Variants in CLC observed in about 807,000 individuals in gnomAD.
CLC encodes galectin-10.
A neutral mutation model predicts 13.9 loss-of-function variants in CLC; 15 were observed. That is an observed-to-expected ratio of 1.08 (90% confidence interval 0.72 to 1.66). The LOEUF is 1.66. CLC is among the 40% of genes most tolerant of loss of function. The pLI, the probability that CLC is intolerant of heterozygous loss-of-function variation, is 0.00. For missense variants in CLC, 161 were observed against 169.1 expected (o/e 0.95, Z 0.27); for synonymous variants, 68 against 59.9 (o/e 1.14, Z -0.63).
chr19:39,737,154 C>G (rs1324932321), intron 1 of CLC, among the ~76,000 whole-genome samples: 1 of 151,898 alleles, frequency 6.6e-6, no homozygotes, highest in African/African-American at 2.4e-5. Flanking sequence ...CAGGGAGAGA[C>G]CTGAGGCTGG....
chr19:39,734,476 T>G lies in CLC; in HGVS notation c.110A>C (p.Gln37Pro). The G allele has an allele frequency of 6.2e-7, 1 of 1,614,114 alleles. No homozygotes were observed. Reference sequence around the variant, plus strand: ...CTTCATCTCAGTGTGGAAATCCACCTGCAGATATGGTTCATTCCTGAGGGC... The same window carrying G: ...CTTCATCTCAGTGTGGAAATCCACCGGCAGATATGGTTCATTCCTGAGGGC... ...LACFLNEPYL[Q>P]VDFHTEMKEE... The change falls in exon 3 of 4, where the codon CAG becomes CCG. Residue 37 changes from glutamine to proline, a missense_variant. By Grantham distance (76) the Gln-to-Pro change is moderately conservative (BLOSUM62 -1). Transcript: ENST00000221804.
At chr19:39,736,316 C>T (rs383768) in intron 1 of CLC, among the ~76,000 whole-genome samples, 101,088 of 151,590 alleles carry the variant, frequency 0.67, 34,425 homozygotes, top group African/African-American at 0.76. Flanking sequence ...AATGGACGTC[C>T]TTCCCAGAAG....
At chr19:39,734,632 T>G in intron 2 of CLC, 139 bp from the exon 3 acceptor site, 1 of 701,522 alleles carries the variant, frequency 1.4e-6, no homozygotes, top group Non-Finnish European at 2.5e-6. Flanking sequence ...TGGGGCTGCT[T>G]CAGCTCCTTG....
chr19:39,736,966 A>G lies in CLC; in HGVS notation c.15+972T>C, dbSNP rs150068756. On this transcript the variant is annotated intron_variant, in intron 1 of 3. Coordinates refer to ENST00000221804, the MANE Select transcript of CLC (RefSeq NM_001828.6). ...GTCCTGGCCTGACATGGGCCTTTCA[A>G]TTCGGCCACCCAAAGTGCTGAGACT... Among the ~76,000 whole-genome samples, 452 of 152,194 alleles carry G rather than the reference A, an allele frequency of 3.0e-3. 5 individuals carry two copies. The highest frequency in any genetic ancestry group is 0.01 in the African/African-American group (434 of 41,538).
At chr19:39,731,657 TA>T (rs1280022123) in intron 3 of CLC, 152 bp from the exon 4 acceptor site, 1 of 708,276 alleles carries the variant, frequency 1.4e-6, no homozygotes. Context: ...TTTTACAGAC[TA>T]CCTGTTGTAA....
chr19:39,737,570 C>T (rs1346153020), intron 1 of CLC, among the ~76,000 whole-genome samples: 1 of 152,054 alleles, frequency 6.6e-6, no homozygotes, highest in Non-Finnish European at 1.5e-5. Context: ...GCTGTGCTCA[C>T]ACACACACTC....
Position 39,731,324 on chromosome 19 carries a change from C to T in CLC, c.*56G>A, listed in dbSNP as rs930137967. 3.8e-6 allele frequency: 6 copies of T among 1,583,410 alleles called. No homozygotes were observed. The South Asian group carries it at 6.7e-5, about 18-fold the overall frequency. On this transcript the variant is annotated 3_prime_UTR_variant, in exon 4 of 4. Transcript: ENST00000221804. The stretch of plus-strand genomic sequence containing the variant: ...GAGAAAAGATCATGCTGTTAGCTGG[C>T]TTTGGAATCCCAAGTTCACGTAGAG...
At chr19:39,733,304 A>G (rs990154846) in intron 3 of CLC, among the ~76,000 whole-genome samples, 3 of 152,212 alleles carry the variant, frequency 2.0e-5, no homozygotes, top group East Asian at 1.9e-4. Context: ...GTTTTGGCCT[A>G]CCCATTTGAA....
At chr19:39,736,649 C>A (rs1967316920) in intron 1 of CLC, among the ~76,000 whole-genome samples, 1 of 151,952 alleles carries the variant, frequency 6.6e-6, no homozygotes, top group Non-Finnish European at 1.5e-5. Flanking sequence ...GTGGCACAAG[C>A]CTGTAATCCC....
At chr19:39,735,180 G>A in intron 1 of CLC, 107 bp from the exon 2 acceptor site, 5 of 761,772 alleles carry the variant, frequency 6.6e-6, no homozygotes, top group Non-Finnish European at 9.3e-6. Context: ...AGTAGACTCA[G>A]GCCTCCCTGC....
chr19:39,734,281 A>G lies in CLC; in HGVS notation c.303+2T>C, dbSNP rs776936554. On this transcript the variant is annotated splice_donor_variant, in intron 3 of 3. Transcript: ENST00000221804. LOFTEE classifies it high-confidence loss of function. The stretch of plus-strand genomic sequence containing the variant: ...GGTGCGGGGAGCTCCTGGGGTGCTC[A>G]CCTGGTACTTATCTGGCAGCACTGA... 1.9e-5 allele frequency: 30 copies of G among 1,613,220 alleles called. No homozygotes were observed. The highest frequency in any genetic ancestry group is 2.5e-5 in the Non-Finnish European group (29 of 1,179,892).
At chr19:39,731,644 C>A in intron 3 of CLC, 139 bp from the exon 4 acceptor site, 1 of 782,300 alleles carries the variant, frequency 1.3e-6, no homozygotes. Context: ...AGACACACTT[C>A]TTTTTTACAG....
In CLC at chr19:39,734,951, T is replaced by G. The variant is rs756272754; in HGVS notation, c.92+46A>C. 5.0e-6 allele frequency: 7 copies of G among 1,412,284 alleles called. 1 individual carries two copies. The highest frequency in any genetic ancestry group is 1.2e-5 in the South Asian group (1 of 86,780). 87.5% of individuals were successfully genotyped at this position (1,412,284 alleles called of 1,614,324 possible). On this transcript the variant is annotated intron_variant, in intron 2 of 3. Transcript: ENST00000221804. ...CATGAGGTCACCCCCTTAGAAAATA[T>G]TCTTCCTCTTCTCCACCTCCCATCT...
intron 3 of CLC, among the ~76,000 whole-genome samples, chr19:39,732,370 A>T (rs1311331049): frequency 1.1e-5 from 1 of 90,882 alleles, no homozygotes; most frequent in Non-Finnish European, 2.3e-5. Context: ...ACTGAGAATG[A>T]TGATTTCCAA....
intron 3 of CLC, among the ~76,000 whole-genome samples, chr19:39,732,924 TG>T (rs1967248128): frequency 7.4e-6 from 1 of 134,952 alleles, no homozygotes; most frequent in Admixed American, 7.3e-5. Flanking sequence ...AATTGACAAA[TG>T]GGATCTAATT....
intron 2 of CLC, 60 bp downstream of exon 2, chr19:39,734,935 ACC>A: frequency 8.0e-7 from 1 of 1,257,260 alleles, no homozygotes. Flanking sequence ...ACATGAGGTC[ACC>A]CCCTTAGAAA....
chr19:39,736,090 A>G (rs550177730), intron 1 of CLC, among the ~76,000 whole-genome samples: 1 of 152,250 alleles, frequency 6.6e-6, no homozygotes, highest in Non-Finnish European at 1.5e-5. Flanking sequence ...ATGTAGCTGT[A>G]TCATTTTACA....
chr19:39,736,749 T>G (rs970040067), intron 1 of CLC, among the ~76,000 whole-genome samples: 2 of 143,372 alleles, frequency 1.4e-5, no homozygotes, highest in African/African-American at 5.3e-5. Flanking sequence ...CACTCCAGCC[T>G]GGGAAACAGA....
rs557401455 is a variant in CLC at position 39,734,387 on chromosome 19, G to A, written c.199C>T (p.Arg67Cys). The change falls in exon 3 of 4, where the codon CGT becomes TGT. Residue 67 changes from arginine to cysteine, a missense_variant. Physicochemically the swap from Arg to Cys is radical, Grantham distance 180. Transcript: ENST00000221804. ...TGCTGCTTCCAGGCCCCATACTCAC[G>A]GCTGTTCATGACCACACGACGACCA... is the stretch of plus-strand genomic sequence containing the variant. ...CFGRRVVMNSREYGAWKQQVE... is the reference protein window; with the variant it reads ...CFGRRVVMNSCEYGAWKQQVE... 8.2e-5 allele frequency: 133 copies of A among 1,614,072 alleles called. No homozygotes were observed. In the South Asian group the frequency reaches 1.1e-3, roughly 13 times the overall value.
Sources: gnomAD v4.1 joint callset for allele counts (sites outside exome capture counted in the v4.1 genomes callset) on GRCh38, gnomAD v4.1.1 for gene constraint, MANE v1.5 for transcripts, NCBI Gene and HGNC (gene_info 2026-07-23, HGNC 2026-07-21) for gene names.